Variants in RALB observed in about 807,000 individuals in gnomAD.
RALB encodes the protein ras-related protein Ral-B.
In RALB, 16 loss-of-function variants were observed where a neutral mutation model predicts 21.3. The observed-to-expected ratio is 0.75, with a 90% CI of 0.51 to 1.14. The LOEUF (loss-of-function observed/expected upper bound fraction) is 1.14. RALB is among the 50% of genes most tolerant of loss of function. RALB has a pLI of 0.00. For missense variants in RALB, 161 were observed against 256.2 expected, an observed-to-expected ratio of 0.63 and a Z score of 2.54; for synonymous variants, 93 against 96.1, an observed-to-expected ratio of 0.97 and a Z score of 0.19.
upstream of RALB, among the ~76,000 whole-genome samples, chr2:120,252,275 T>A (rs946820743): frequency 6.6e-6 from 1 of 152,170 alleles, no homozygotes; most frequent in African/African-American, 2.4e-5. Flanking sequence ...CTGGCCCTTG[T>A]AGGCGGCCTG....
intron 1 of RALB, among the ~76,000 whole-genome samples, chr2:120,273,620 T>A (rs556277806): frequency 1.1e-4 from 16 of 152,234 alleles, no homozygotes; most frequent in Non-Finnish European, 2.4e-4. Context: ...ACTATTATTA[T>A]CCTTGTTAAA....
intron 2 of RALB, among the ~76,000 whole-genome samples, chr2:120,279,300 A>G (rs2104638501): frequency 6.6e-6 from 1 of 152,298 alleles, no homozygotes; most frequent in South Asian, 2.1e-4. Flanking sequence ...TGTTGAGTTC[A>G]GTGTGACAAC....
chr2:120,276,235 A>C (rs953976490), intron 1 of RALB, among the ~76,000 whole-genome samples: 1 of 152,110 alleles, frequency 6.6e-6, no homozygotes, highest in East Asian at 1.9e-4. Flanking sequence ...TTCCTTATCT[A>C]TGTTTGTAAC....
intron 1 of RALB, among the ~76,000 whole-genome samples, chr2:120,246,302 T>G (rs1574841032): frequency 6.6e-6 from 1 of 152,248 alleles, no homozygotes; most frequent in Admixed American, 6.5e-5. Context: ...GGGATGGGCT[T>G]GGGAGACAGA....
chr2:120,287,418 C>T (rs1690193226), intron 3 of RALB, among the ~76,000 whole-genome samples: 1 of 152,216 alleles, frequency 6.6e-6, no homozygotes, highest in Non-Finnish European at 1.5e-5. Context: ...ACATTTCAGA[C>T]CTTCCTAAGG....
chr2:120,268,937 A>ATT (rs11448973), intron 1 of RALB, among the ~76,000 whole-genome samples: 13 of 151,866 alleles, frequency 8.6e-5, no homozygotes, highest in African/African-American at 2.7e-4. Context: ...TAAACAAACA[A>ATT]TTTTTTTAAA....
chr2:120,274,271 T>C (rs955157117), intron 1 of RALB, among the ~76,000 whole-genome samples: 16 of 152,166 alleles, frequency 1.1e-4, no homozygotes, highest in Admixed American at 4.6e-4. Context: ...CTGCCTCTTA[T>C]TCCATTTATT....
chr2:120,269,341 A>C (rs187250107), intron 1 of RALB, among the ~76,000 whole-genome samples: 41 of 152,306 alleles, frequency 2.7e-4, no homozygotes, highest in Admixed American at 5.2e-4. Flanking sequence ...CACAGGCTGA[A>C]AGAGTGAACA....
At chr2:120,257,863 G>T (rs1689237389) in intron 1 of RALB, among the ~76,000 whole-genome samples, 1 of 152,208 alleles carries the variant, frequency 6.6e-6, no homozygotes, top group Non-Finnish European at 1.5e-5. Context: ...TGTTAGGAAT[G>T]AATTTTAGCC....
chr2:120,259,811 G>C (rs904719895), intron 1 of RALB, among the ~76,000 whole-genome samples: 1 of 152,244 alleles, frequency 6.6e-6, no homozygotes, highest in Non-Finnish European at 1.5e-5. Context: ...GGTGGCGCTC[G>C]TCGGGGAGGC....
At chr2:120,252,110 C>T (rs1245826618), upstream of RALB, among the ~76,000 whole-genome samples, 1 of 152,092 alleles carries the variant, frequency 6.6e-6, no homozygotes, top group Non-Finnish European at 1.5e-5. Context: ...GCGTAGGGGT[C>T]AGCACGGTCA....
intron 1 of RALB, among the ~76,000 whole-genome samples, chr2:120,270,055 A>AT (rs1412985808): frequency 6.6e-5 from 10 of 152,038 alleles, no homozygotes; most frequent in African/African-American, 2.4e-4. Context: ...GTACTTCTTC[A>AT]TTTTTTGCCC....
intron 1 of RALB, among the ~76,000 whole-genome samples, chr2:120,272,989 T>C (rs1419159091): frequency 2.0e-5 from 3 of 152,208 alleles, no homozygotes; most frequent in Admixed American, 6.5e-5. Flanking sequence ...AGTGGACTCT[T>C]TGTGGCTTAA....
chr2:120,278,855 C>A, intron 2 of RALB, 77 bp downstream of exon 2: 1 of 1,331,200 alleles, frequency 7.5e-7, no homozygotes, highest in Non-Finnish European at 9.9e-7. Context: ...GTTTCTGTGC[C>A]GGTCCTCCCG....
intron 4 of RALB, among the ~76,000 whole-genome samples, chr2:120,291,747 T>C (rs1482326004): frequency 6.6e-6 from 1 of 152,206 alleles, no homozygotes; most frequent in Non-Finnish European, 1.5e-5. Flanking sequence ...CTGTTCACTG[T>C]TGCTGTCTTG....
In RALB at chr2:120,294,613, A is replaced by T. The variant is rs1455471562; in HGVS notation, c.*1353A>T. On this transcript the variant is annotated 3_prime_UTR_variant, in exon 5 of 5. Transcript: ENST00000272519. ...AACCTTTTGAATTTATGATTGTCAC[A>T]GAGATGGTAGAAATTATGATCTGAC... The T allele has an allele frequency of 5.3e-6, 1 of 189,622 alleles. No individual in the cohort carries two copies. Among genetic ancestry groups the T allele is most frequent in the Non-Finnish European group, 1.1e-5 (1 of 93,370 alleles). 11.7% of individuals were successfully genotyped at this position (189,622 alleles called of 1,614,324 possible).
intron 3 of RALB, among the ~76,000 whole-genome samples, chr2:120,286,384 C>A (rs1690157779): frequency 6.6e-6 from 1 of 152,084 alleles, no homozygotes; most frequent in East Asian, 1.9e-4. Context: ...TAATTTTGTT[C>A]CTATAAATAC....
At chr2:120,243,357 C>G (rs1688923332) in intron 1 of RALB, among the ~76,000 whole-genome samples, 2 of 152,216 alleles carry the variant, frequency 1.3e-5, no homozygotes, top group African/African-American at 4.8e-5. Context: ...CACTCTCGCC[C>G]CAGCCCTTAC....
intron 1 of RALB, among the ~76,000 whole-genome samples, chr2:120,268,927 T>A (rs1223816670): frequency 1.1e-5 from 1 of 88,504 alleles, no homozygotes; most frequent in African/African-American, 5.2e-5. Context: ...TGTTTATATA[T>A]AAACAAACAA....
Sources: allele counts gnomAD v4.1 joint callset (sites outside exome capture counted in the v4.1 genomes callset), GRCh38; gene constraint gnomAD v4.1.1; transcripts MANE v1.5; gene names NCBI Gene and HGNC (gene_info 2026-07-23, HGNC 2026-07-21).